RBFOX1: variants seen among roughly 807,000 people sequenced by gnomAD.
The protein encoded by RBFOX1 is RNA binding fox-1 homolog 1.
Under a neutral mutation model 57.7 loss-of-function variants are expected in RBFOX1, and 8 were observed. That is an observed-to-expected ratio of 0.14 (90% CI 0.08 to 0.25). RBFOX1 has a LOEUF of 0.25. Among genes scored for constraint, RBFOX1 ranks in the 10% least tolerant of loss-of-function variants. The probability of loss-of-function intolerance (pLI) is 1.00; values close to 1 mark genes in which losing one functional copy is unlikely to be tolerated. For synonymous variants in RBFOX1, 326 were observed against 222.4 expected (o/e 1.47, Z -4.15); for missense variants, 611 against 548.5 (o/e 1.11, Z -1.14).
intron 4 of RBFOX1, among the ~76,000 whole-genome samples, chr16:7,397,634 G>C (rs1376530514): frequency 6.6e-6 from 1 of 152,170 alleles, no homozygotes; most frequent in Admixed American, 6.5e-5. Flanking sequence ...CAAGCGTTGG[G>C]ACTCTGAAGA....
intron 4 of RBFOX1, among the ~76,000 whole-genome samples, chr16:5,892,727 T>C (rs371193623): frequency 6.6e-6 from 1 of 152,156 alleles, no homozygotes; most frequent in South Asian, 2.1e-4. Flanking sequence ...TCTCAAAGCC[T>C]GTCCAGGGGT....
chr16:7,298,290 T>TG (rs1184467501), intron 4 of RBFOX1, among the ~76,000 whole-genome samples: 23 of 145,048 alleles, frequency 1.6e-4, no homozygotes, highest in Admixed American at 3.4e-4. Context: ...TTTTTGTTTT[T>TG]TTTTTTTTTT....
intron 2 of RBFOX1, among the ~76,000 whole-genome samples, chr16:5,516,638 A>C (rs756150497): frequency 7.2e-5 from 11 of 152,160 alleles, no homozygotes; most frequent in Non-Finnish European, 1.2e-4. Context: ...TTTCCACCCA[A>C]ATCTCATCTT....
At chr16:6,998,962 A>G (rs1201666277) in intron 3 of RBFOX1, among the ~76,000 whole-genome samples, 1 of 151,286 alleles carries the variant, frequency 6.6e-6, no homozygotes, top group Non-Finnish European at 1.5e-5. Context: ...TCCGCCTCCC[A>G]GGTTCAAGCG....
intron 2 of RBFOX1, among the ~76,000 whole-genome samples, chr16:6,501,852 C>A (rs1341487272): frequency 1.3e-5 from 2 of 152,138 alleles, no homozygotes; most frequent in Admixed American, 1.3e-4. Context: ...TCACACCCCT[C>A]TTAGGACGTG....
At chr16:7,072,896 T>C (rs763051645) in intron 4 of RBFOX1, among the ~76,000 whole-genome samples, 1 of 152,302 alleles carries the variant, frequency 6.6e-6, no homozygotes, top group South Asian at 2.1e-4. Flanking sequence ...AGGAAGTAGC[T>C]GGAATTTGTG....
chr16:5,495,235 A>G (rs1285826514), intron 2 of RBFOX1, among the ~76,000 whole-genome samples: 2 of 152,232 alleles, frequency 1.3e-5, no homozygotes, highest in Non-Finnish European at 1.5e-5. Context: ...TCCACCTTGA[A>G]GCACAAAATA....
chr16:6,110,227 T>TTTTTTTC (rs2096430216), intron 1 of RBFOX1, among the ~76,000 whole-genome samples: 2 of 143,840 alleles, frequency 1.4e-5, no homozygotes, highest in African/African-American at 2.6e-5. Flanking sequence ...ATTATTCTTT[T>TTTTTTTC]AGCTCTCTGG....
chr16:5,366,517 C>T (rs1405790502), intron 1 of RBFOX1: 3 of 428,180 alleles, frequency 7.0e-6, no homozygotes, highest in Non-Finnish European at 1.3e-5. Flanking sequence ...TGCTAAAACA[C>T]CGAAAGGACC....
chr16:7,480,801 TG>T (rs1249432020), intron 4 of RBFOX1, among the ~76,000 whole-genome samples: 41 of 152,142 alleles, frequency 2.7e-4, no homozygotes, highest in Admixed American at 2.6e-3. Flanking sequence ...TGCTGGGCCT[TG>T]GCACTTATGG....
intron 4 of RBFOX1, among the ~76,000 whole-genome samples, chr16:7,064,600 C>G (rs1269160850): frequency 1.3e-5 from 2 of 152,124 alleles, no homozygotes; most frequent in Non-Finnish European, 2.9e-5. Context: ...CCCCCTGACA[C>G]CTGAGTCGCA....
At chr16:6,739,680 C>T (rs554054052) in intron 3 of RBFOX1, among the ~76,000 whole-genome samples, 120 of 152,168 alleles carry the variant, frequency 7.9e-4, no homozygotes, top group African/African-American at 2.8e-3. Flanking sequence ...AGTTCGAGAC[C>T]AGCTTGGCCA....
chr16:7,304,955 TG>T (rs1428283917), intron 4 of RBFOX1, among the ~76,000 whole-genome samples: 10 of 121,420 alleles, frequency 8.2e-5, no homozygotes, highest in Non-Finnish European at 1.6e-4. Context: ...TGTGTGTGTG[TG>T]TGTTTTCCTA....
At position 6,019,441 on chromosome 16, in the gene RBFOX1, G is replaced by A; in HGVS notation, c.-678G>A. On this transcript the variant is annotated 5_prime_UTR_variant, in exon 1 of 16. Transcript: ENST00000550418. The surrounding 1 kb of genome is among the most constrained non-coding windows in gnomAD (Gnocchi z 4.2). ...GCGGACGGAGCCCAGGGGCCGCGTC[G>A]GGTGGGGAAACCCGAACTCGCGGAG... 4.0e-6 allele frequency: 4 copies of A among 989,672 alleles called. No homozygotes were observed. The highest frequency in any genetic ancestry group is 4.8e-6 in the Non-Finnish European group (4 of 833,048). The allele number at this position is 989,672 out of a possible 1,614,324, so 61.3% of individuals were successfully genotyped here.
At chr16:5,761,881 G>C (rs148844582) in intron 3 of RBFOX1, among the ~76,000 whole-genome samples, 1 of 152,198 alleles carries the variant, frequency 6.6e-6, no homozygotes, top group African/African-American at 2.4e-5. Context: ...CCTAGGTCTG[G>C]TCCTTACACA....
chr16:6,830,511 T>C lies in RBFOX1; in HGVS notation c.-16+175861T>C, dbSNP rs112425488. 8.0e-4 allele frequency among the ~76,000 whole-genome samples: 122 copies of C among 152,264 alleles called. 1 individual carries two copies. The highest frequency in any genetic ancestry group is 2.8e-3 in the African/African-American group (117 of 41,552). ...TATGCCAGGAGTTCTCAACTGAGAC[T>C]GTTTTGTTCCCCCAGGGGACAGCTG... On this transcript the variant is annotated intron_variant, in intron 3 of 15. Transcript: ENST00000550418.
At chr16:6,358,844 T>C (rs1257678058) in intron 2 of RBFOX1, among the ~76,000 whole-genome samples, 1 of 152,176 alleles carries the variant, frequency 6.6e-6, no homozygotes, top group African/African-American at 2.4e-5. Flanking sequence ...TCTGTTTTTA[T>C]GGAGAGAGGG....
At chr16:5,277,759 T>C (rs2151139650) in intron 1 of RBFOX1, among the ~76,000 whole-genome samples, 1 of 152,362 alleles carries the variant, frequency 6.6e-6, no homozygotes, top group South Asian at 2.1e-4. Flanking sequence ...TAGTTTTCTT[T>C]CTGTGCATGG....
intron 4 of RBFOX1, among the ~76,000 whole-genome samples, chr16:7,230,315 A>C (rs1160792614): frequency 1.3e-5 from 2 of 152,158 alleles, no homozygotes; most frequent in African/African-American, 4.8e-5. Flanking sequence ...GCAAAACATC[A>C]ATAATTCAAT....
Sources: allele counts gnomAD v4.1 joint callset (sites outside exome capture counted in the v4.1 genomes callset), GRCh38; gene constraint gnomAD v4.1.1; non-coding constraint Gnocchi (gnomAD v3.1); transcripts MANE v1.5; gene names NCBI Gene and HGNC (gene_info 2026-07-23, HGNC 2026-07-21).